EXOC6B: variants seen among roughly 807,000 people sequenced by gnomAD.
EXOC6B encodes SEC15 homolog B.
A neutral mutation model predicts 113.5 loss-of-function variants in EXOC6B; 54 were observed. The observed-to-expected ratio is 0.48, with a 90% CI of 0.38 to 0.60. The LOEUF (loss-of-function observed/expected upper bound fraction) is 0.60, where lower values mean the gene tolerates loss of function less well. Among genes scored for constraint, EXOC6B ranks in the 20% least tolerant of loss-of-function variants. The probability of loss-of-function intolerance (pLI) is 0.00; values close to 1 mark genes in which losing one functional copy is unlikely to be tolerated. For missense variants in EXOC6B, 797 were observed against 977.5 expected, an observed-to-expected ratio of 0.82 and a Z score of 2.46; for synonymous variants, 357 against 339.0, an observed-to-expected ratio of 1.05 and a Z score of -0.58.
chr2:72,764,915 T>G (rs1682971746), intron 1 of EXOC6B, among the ~76,000 whole-genome samples: 1 of 152,190 alleles, frequency 6.6e-6, no homozygotes, highest in East Asian at 1.9e-4. Flanking sequence ...CCTTTGCCTG[T>G]AAATCTCTTT....
chr2:72,557,905 T>C (rs557091315), intron 8 of EXOC6B, among the ~76,000 whole-genome samples: 1 of 152,328 alleles, frequency 6.6e-6, no homozygotes, highest in South Asian at 2.1e-4. Context: ...TGGTGGGCTC[T>C]AGGTGTGAAA....
intron 20 of EXOC6B, among the ~76,000 whole-genome samples, chr2:72,323,860 G>A (rs1415460068): frequency 6.6e-6 from 1 of 151,980 alleles, no homozygotes; most frequent in Non-Finnish European, 1.5e-5. Flanking sequence ...GGGAGGGACA[G>A]CATTAGGAGA....
chr2:72,712,079 C>T (rs141675272), intron 6 of EXOC6B, among the ~76,000 whole-genome samples: 2 of 152,198 alleles, frequency 1.3e-5, no homozygotes, highest in Non-Finnish European at 2.9e-5. Flanking sequence ...TGACCTTGTA[C>T]ATTTTCTTAT....
intron 6 of EXOC6B, among the ~76,000 whole-genome samples, chr2:72,613,790 G>A (rs1249590029): frequency 1.3e-5 from 2 of 151,722 alleles, no homozygotes; most frequent in Non-Finnish European, 2.9e-5. Context: ...GGATCGTGGA[G>A]AAAAAATATC....
chr2:72,226,324 G>A lies in EXOC6B; in HGVS notation c.2197-42137C>T, dbSNP rs11891203. On this transcript the variant is annotated intron_variant, in intron 20 of 21. Coordinates refer to ENST00000272427, the MANE Select transcript of EXOC6B (RefSeq NM_015189.3). Reference sequence around the variant, plus strand: ...TTCTTGTTGTGACAAATGTTTCACTGTAATAAAAAACAGATGTTAACATTA... The same window carrying A: ...TTCTTGTTGTGACAAATGTTTCACTATAATAAAAAACAGATGTTAACATTA... Among the ~76,000 whole-genome samples the A allele has an allele frequency of 3.8e-3, 586 of 152,260 alleles. 10 individuals carry two copies. Among genetic ancestry groups the A allele is most frequent in the African/African-American group, 0.014 (571 of 41,548 alleles).
At chr2:72,594,720 G>A (rs1248313476) in intron 6 of EXOC6B, among the ~76,000 whole-genome samples, 1 of 152,118 alleles carries the variant, frequency 6.6e-6, no homozygotes, top group Admixed American at 6.5e-5. Flanking sequence ...TTGTTTGGTT[G>A]ACTAATGTAC....
In EXOC6B at chr2:72,224,872, GTA is replaced by G. The variant is rs146272644; in HGVS notation, c.2197-40687_2197-40686del. Among the ~76,000 whole-genome samples, 700 of 143,824 alleles carry G rather than the reference GTA, an allele frequency of 4.9e-3. 6 individuals carry two copies. Among genetic ancestry groups the G allele is most frequent in the African/African-American group, 0.016 (630 of 39,984 alleles). The allele number at this position is 143,824 out of a possible 152,430, so 94.4% of individuals were successfully genotyped here. ...TATATATATATATGTATACGTAAGT[GTA>G]TATATATATATACATCTATGTGTGT... On this transcript the variant is annotated intron_variant, in intron 20 of 21. Transcript: ENST00000272427.
intron 20 of EXOC6B, among the ~76,000 whole-genome samples, chr2:72,195,670 C>T: frequency 6.6e-6 from 1 of 152,070 alleles, no homozygotes; most frequent in East Asian, 1.9e-4. Context: ...AGAGTGAAGA[C>T]AATACTAACA....
chr2:72,721,266 G>T (rs929174047), intron 5 of EXOC6B, among the ~76,000 whole-genome samples: 3 of 149,902 alleles, frequency 2.0e-5, no homozygotes, highest in Non-Finnish European at 4.4e-5. Flanking sequence ...GAGACGGAGG[G>T]TGCAGTGAGC....
At chr2:72,777,588 G>A (rs1254870897) in intron 1 of EXOC6B, among the ~76,000 whole-genome samples, 1 of 151,854 alleles carries the variant, frequency 6.6e-6, no homozygotes, top group African/African-American at 2.4e-5. Flanking sequence ...CCTCAGGCTG[G>A]AAAGAAAAAA....
chr2:72,664,077 G>A (rs1675214618), intron 6 of EXOC6B, among the ~76,000 whole-genome samples: 1 of 152,072 alleles, frequency 6.6e-6, no homozygotes, highest in Admixed American at 6.5e-5. Flanking sequence ...GGGAGACGAG[G>A]CAGGAAGATG....
chr2:72,666,824 A>ACACACACACACAC (rs376270262), intron 6 of EXOC6B, among the ~76,000 whole-genome samples: 3 of 135,244 alleles, frequency 2.2e-5, no homozygotes, highest in Admixed American at 7.2e-5. Context: ...CACACACACA[A>ACACACACACACAC]AGAAATGCCT....
At chr2:72,549,913 T>A (rs1350339083) in intron 8 of EXOC6B, among the ~76,000 whole-genome samples, 1 of 152,078 alleles carries the variant, frequency 6.6e-6, no homozygotes, top group Non-Finnish European at 1.5e-5. Context: ...AGACAGAGAT[T>A]AAGAATTATA....
At chr2:72,620,307 G>C (rs1427200040) in intron 6 of EXOC6B, among the ~76,000 whole-genome samples, 1 of 152,154 alleles carries the variant, frequency 6.6e-6, no homozygotes, top group Non-Finnish European at 1.5e-5. Flanking sequence ...GGGGGGCAGG[G>C]AAGAGCATCA....
At chr2:72,353,714 T>TA (rs199776500) in intron 19 of EXOC6B, among the ~76,000 whole-genome samples, 46 of 146,082 alleles carry the variant, frequency 3.1e-4, no homozygotes, top group Non-Finnish European at 3.5e-4. Flanking sequence ...AAATTTCTAG[T>TA]AAAAAAAAAA....
intron 8 of EXOC6B, among the ~76,000 whole-genome samples, chr2:72,525,677 A>G (rs985689947): frequency 2.0e-5 from 3 of 152,080 alleles, no homozygotes; most frequent in African/African-American, 2.4e-5. Flanking sequence ...CAATTTGTAG[A>G]CAAGAACATT....
At chr2:72,484,566 C>CA (rs1163864913) in intron 16 of EXOC6B, among the ~76,000 whole-genome samples, 12,184 of 52,424 alleles carry the variant, frequency 0.23, 984 homozygotes, top group African/African-American at 0.33. Flanking sequence ...GACTCCGTCA[C>CA]AAAAAAAAAA....
chr2:72,540,858 T>C (rs894684491), intron 8 of EXOC6B, among the ~76,000 whole-genome samples: 1 of 152,248 alleles, frequency 6.6e-6, no homozygotes, highest in Non-Finnish European at 1.5e-5. Context: ...AAATATTTAC[T>C]ATCACAACCT....
In EXOC6B at chr2:72,727,225, GA is replaced by G. The variant is rs550523920; in HGVS notation, c.464+3781del. 7.9e-4 allele frequency among the ~76,000 whole-genome samples: 120 copies of G among 152,254 alleles called. 1 individual carries two copies. The highest frequency in any genetic ancestry group is 1.4e-3 in the Non-Finnish European group (93 of 67,988). On this transcript the variant is annotated intron_variant, in intron 5 of 21. Transcript: ENST00000272427. ...CACAGAAGGAACAAAGAACAGGTAG[GA>G]TAAATGGAAAATACATTAGAAGACA...
Sources: allele counts gnomAD v4.1 joint callset (sites outside exome capture counted in the v4.1 genomes callset), GRCh38; gene constraint gnomAD v4.1.1; transcripts MANE v1.5; gene names NCBI Gene and HGNC (gene_info 2026-07-23, HGNC 2026-07-21).